ATP8B4: variants seen among roughly 807,000 people sequenced by gnomAD.
ATP8B4 encodes ATPase phospholipid transporting 8B4 (putative).
Under a neutral mutation model 145.6 loss-of-function variants are expected in ATP8B4, and 133 were observed. The ratio of observed to expected loss-of-function variants is 0.91; its 90% confidence interval spans 0.79 to 1.05. ATP8B4 has a LOEUF of 1.05. ATP8B4 is among the 50% of genes least tolerant of loss of function. ATP8B4 has a pLI of 0.00. For synonymous variants in ATP8B4, 507 were observed against 492.9 expected (o/e 1.03, Z -0.38); for missense variants, 1,458 against 1,425.2 (o/e 1.02, Z -0.37).
chr15:50,153,287 C>G (rs1357537561), intron 1 of ATP8B4, among the ~76,000 whole-genome samples: 2 of 151,390 alleles, frequency 1.3e-5, no homozygotes, highest in Non-Finnish European at 2.9e-5. Context: ...GTTACAGAAG[C>G]TGACAAAAAA....
rs573833484 is a variant in ATP8B4 at position 49,951,612 on chromosome 15, A to G, written c.1287+10365T>C. Among the ~76,000 whole-genome samples, 102 of 152,262 alleles carry G rather than the reference A, an allele frequency of 6.7e-4. 3 individuals carry two copies. In the South Asian group the frequency reaches 0.018, roughly 27 times the overall value. On this transcript the variant is annotated intron_variant, in intron 14 of 27. Transcript: ENST00000284509. The stretch of plus-strand genomic sequence containing the variant: ...TTTGCACATAAGATGAGTCTCCTGA[A>G]TACAGCACACTAATGGGTCTTGATT...
chr15:49,876,462 A>G lies in ATP8B4; in HGVS notation c.2843T>C (p.Leu948Pro). The change falls in exon 25 of 28, where the codon CTG (leucine) becomes CCG (proline). Residue 948 changes from leucine (L) to proline (P), a missense_variant. Physicochemically the swap from Leu to Pro is moderately conservative, Grantham distance 98. Coordinates refer to ENST00000284509, the MANE Select transcript of ATP8B4 (RefSeq NM_024837.4). ...PQLYKPGQLN[L>P]LFNKRKFFIC... ...GAAAAATTTACGCTTGTTAAAAAGC[A>G]GATTCAGCTGTCCTGGTTTGTAGAG... 1 of 1,614,154 alleles carries G rather than the reference A, an allele frequency of 6.2e-7. No homozygotes were observed. The highest frequency in any genetic ancestry group is 8.5e-7 in the Non-Finnish European group (1 of 1,179,970).
chr15:50,136,165 G>T (rs2044119169), intron 1 of ATP8B4, among the ~76,000 whole-genome samples: 1 of 152,128 alleles, frequency 6.6e-6, no homozygotes, highest in African/African-American at 2.4e-5. Flanking sequence ...CTTAGCCCAG[G>T]ATTTATGAGG....
chr15:50,119,967 C>CT (rs140546745), upstream of ATP8B4, among the ~76,000 whole-genome samples: 4,477 of 151,834 alleles, frequency 0.029, 218 homozygotes, highest in African/African-American at 0.1. Context: ...TTTGGAATTG[C>CT]TTTTAAGGGG....
chr15:50,042,271 A>G (rs1212066814), intron 5 of ATP8B4, among the ~76,000 whole-genome samples: 1 of 152,210 alleles, frequency 6.6e-6, no homozygotes, highest in African/African-American at 2.4e-5. Flanking sequence ...TCTTTAAAAA[A>G]TGATATATGA....
At chr15:50,126,239 C>CTA (rs1168568930) in intron 1 of ATP8B4, among the ~76,000 whole-genome samples, 1 of 85,212 alleles carries the variant, frequency 1.2e-5, no homozygotes, top group Non-Finnish European at 2.2e-5. Flanking sequence ...AGCTAACAGT[C>CTA]CAAAAAAAAA....
chr15:49,860,229 T>C lies in ATP8B4; in HGVS notation c.3544A>G (p.Ser1182Gly). ...ACTGTTTTATCCTGGCTAAAGCTGC[T>C]CACGGTGTCTGTGGTTTTCTTACAT... Reference protein sequence around the residue: ...NLCKKTTDTVSSFSQDKTVKL With the variant: ...NLCKKTTDTVGSFSQDKTVKL The change falls in exon 28 of 28, where the codon AGC becomes GGC. Residue 1182 changes from serine to glycine, a missense_variant. Coordinates refer to ENST00000284509, the MANE Select transcript of ATP8B4 (RefSeq NM_024837.4). 2 of 1,614,052 alleles carry C rather than the reference T, an allele frequency of 1.2e-6. No individual in the cohort carries two copies. Among genetic ancestry groups the C allele is most frequent in the Non-Finnish European group, 1.7e-6 (2 of 1,179,960 alleles).
intron 23 of ATP8B4, among the ~76,000 whole-genome samples, chr15:49,884,204 G>A (rs1278904036): frequency 6.6e-6 from 1 of 151,908 alleles, no homozygotes; most frequent in Non-Finnish European, 1.5e-5. Context: ...GTTTGAGAAC[G>A]CCAGCCAAGC....
chr15:50,137,262 A>G (rs1164453009), intron 1 of ATP8B4, among the ~76,000 whole-genome samples: 4 of 152,236 alleles, frequency 2.6e-5, no homozygotes, highest in African/African-American at 9.6e-5. Context: ...GTTACCTAAT[A>G]TCCCTGGCTC....
At chr15:49,978,360 C>A (rs558024575) in intron 12 of ATP8B4, among the ~76,000 whole-genome samples, 12 of 152,254 alleles carry the variant, frequency 7.9e-5, no homozygotes, top group African/African-American at 2.9e-4. Context: ...AGAGCCCTCT[C>A]TGACCACAGC....
intron 5 of ATP8B4, among the ~76,000 whole-genome samples, chr15:50,043,736 G>C (rs1186879172): frequency 6.6e-6 from 1 of 151,874 alleles, no homozygotes; most frequent in South Asian, 2.1e-4. Flanking sequence ...GGTGGATCAT[G>C]AGGTCAGGAG....
At chr15:49,950,619 C>CAAAAAAA (rs748025885) in intron 14 of ATP8B4, among the ~76,000 whole-genome samples, 1 of 109,954 alleles carries the variant, frequency 9.1e-6, no homozygotes. Context: ...AACAAACAAA[C>CAAAAAAA]AAAAAAAACA....
At chr15:50,181,617 C>A (rs1316279923) in intron 1 of ATP8B4, among the ~76,000 whole-genome samples, 1 of 152,228 alleles carries the variant, frequency 6.6e-6, no homozygotes, top group Non-Finnish European at 1.5e-5. Flanking sequence ...GTTAGAGTGT[C>A]CTGCCCTCAC....
At chr15:50,152,146 C>T (rs541781139) in intron 1 of ATP8B4, among the ~76,000 whole-genome samples, 37 of 152,048 alleles carry the variant, frequency 2.4e-4, no homozygotes, top group Middle Eastern at 3.4e-3. Context: ...TTATTAGAAA[C>T]CTGTATTTAA....
At chr15:49,924,850 CT>C (rs1229710319) in intron 16 of ATP8B4, among the ~76,000 whole-genome samples, 1 of 152,148 alleles carries the variant, frequency 6.6e-6, no homozygotes, top group African/African-American at 2.4e-5. Flanking sequence ...TGCAATTTAT[CT>C]AATTGTTAAA....
intron 2 of ATP8B4, among the ~76,000 whole-genome samples, chr15:50,099,441 G>C (rs1021680671): frequency 1.3e-5 from 2 of 151,884 alleles, no homozygotes; most frequent in East Asian, 3.9e-4. Context: ...CACCATGCCC[G>C]GCTACTTTTT....
At chr15:50,104,417 T>C (rs1053839514) in intron 2 of ATP8B4, among the ~76,000 whole-genome samples, 1 of 151,856 alleles carries the variant, frequency 6.6e-6, no homozygotes, top group African/African-American at 2.4e-5. Context: ...AAAAGTGGCC[T>C]AAGGACATGA....
At chr15:50,167,289 G>A (rs1223237349) in intron 1 of ATP8B4, among the ~76,000 whole-genome samples, 1 of 152,168 alleles carries the variant, frequency 6.6e-6, no homozygotes, top group Non-Finnish European at 1.5e-5. Context: ...AGTTCTGGAG[G>A]ACAAAAGTCC....
intron 5 of ATP8B4, among the ~76,000 whole-genome samples, chr15:50,044,087 T>C (rs2051536402): frequency 6.6e-6 from 1 of 151,874 alleles, no homozygotes; most frequent in Non-Finnish European, 1.5e-5. Context: ...TTTGAGAGAG[T>C]CAAAACTTAT....
Sources: gnomAD v4.1 joint callset for allele counts (sites outside exome capture counted in the v4.1 genomes callset) on GRCh38, gnomAD v4.1.1 for gene constraint, MANE v1.5 for transcripts, NCBI Gene and HGNC (gene_info 2026-07-23, HGNC 2026-07-21) for gene names.